The following TENM2 variants were observed in gnomAD, a reference collection of about 807,000 sequenced individuals.
TENM2 encodes teneurin transmembrane protein 2.
In TENM2, 52 loss-of-function variants were observed where a neutral mutation model predicts 245.2. That is an observed-to-expected ratio of 0.21 (90% CI 0.17 to 0.27). TENM2 has a LOEUF of 0.27. Ranked by LOEUF, TENM2 falls within the 10% of genes least tolerant of loss-of-function variation. The pLI is 1.00. For missense variants in TENM2, 3,046 were observed against 3,666.8 expected (o/e 0.83, Z 4.37); for synonymous variants, 1,363 against 1,438.9 (o/e 0.95, Z 1.19).
chr5:167,217,721 T>C, the TENM2 span, among the ~76,000 whole-genome samples: 6 of 147,856 alleles, frequency 4.1e-5, no homozygotes, highest in African/African-American at 1.5e-4. Context: ...GTGATATATA[T>C]ATATATATAT....
At chr5:167,536,552 T>G (rs997904816) in intron 2 of TENM2, among the ~76,000 whole-genome samples, 1 of 152,186 alleles carries the variant, frequency 6.6e-6, no homozygotes, top group Admixed American at 6.5e-5. Flanking sequence ...GATCATGTAC[T>G]ATAGTTTTCT....
chr5:167,390,818 T>A (rs1485465610), intron 2 of TENM2, among the ~76,000 whole-genome samples: 1 of 152,198 alleles, frequency 6.6e-6, no homozygotes, highest in Non-Finnish European at 1.5e-5. Context: ...CATTTATGGC[T>A]ATGAACAACA....
At chr5:167,265,748 A>G in the TENM2 span, among the ~76,000 whole-genome samples, 2 of 152,124 alleles carry the variant, frequency 1.3e-5, no homozygotes, top group African/African-American at 2.4e-5. Context: ...TTATGTCCAG[A>G]GTTTTCTGAC....
At chr5:168,038,992 C>G (rs965624180) in intron 5 of TENM2, among the ~76,000 whole-genome samples, 1 of 152,096 alleles carries the variant, frequency 6.6e-6, no homozygotes, top group Non-Finnish European at 1.5e-5. Flanking sequence ...AATCCCAACC[C>G]TCTCCTCCCT....
Position 167,842,708 on chromosome 5 carries a change from G to T in TENM2, c.503-33278G>T, listed in dbSNP as rs1279451393. Among the ~76,000 whole-genome samples, 4 of 151,848 alleles carry T rather than the reference G, an allele frequency of 2.6e-5. No homozygotes were observed. In the South Asian group the frequency reaches 8.4e-4, roughly 32 times the overall value. The stretch of plus-strand genomic sequence containing the variant: ...CACCCCATGTGACTCCCCATTCAAG[G>T]TTGCCATTATACCACTCAAGGAGCT... On this transcript the variant is annotated intron_variant, in intron 2 of 28. Transcript: ENST00000518659.
At chr5:167,395,820 T>C (rs1762017854) in intron 2 of TENM2, among the ~76,000 whole-genome samples, 1 of 152,116 alleles carries the variant, frequency 6.6e-6, no homozygotes, top group African/African-American at 2.4e-5. Context: ...AACCTATAGA[T>C]AATTTTAAGT....
the TENM2 span, among the ~76,000 whole-genome samples, chr5:167,069,781 T>A: frequency 1.3e-5 from 2 of 152,174 alleles, no homozygotes; most frequent in Admixed American, 6.5e-5. Flanking sequence ...AGTTTTGTAA[T>A]GATGCTAAAA....
the TENM2 span, among the ~76,000 whole-genome samples, chr5:167,156,986 AT>A: frequency 6.6e-6 from 1 of 152,002 alleles, no homozygotes; most frequent in African/African-American, 2.4e-5. Context: ...GCAAACCCAC[AT>A]TTTTTTTAAT....
chr5:167,624,321 G>T (rs576144278), intron 2 of TENM2, among the ~76,000 whole-genome samples: 1 of 152,248 alleles, frequency 6.6e-6, no homozygotes, highest in South Asian at 2.1e-4. Context: ...TGCAGAAATA[G>T]AAAACCAAAT....
chr5:167,526,113 A>G (rs1478400232), intron 2 of TENM2, among the ~76,000 whole-genome samples: 1 of 151,978 alleles, frequency 6.6e-6, no homozygotes, highest in Non-Finnish European at 1.5e-5. Context: ...TCATTTATAT[A>G]TTCATAAAAA....
At chr5:168,171,877 C>G (rs538281423) in intron 13 of TENM2, among the ~76,000 whole-genome samples, 1 of 152,224 alleles carries the variant, frequency 6.6e-6, no homozygotes, top group African/African-American at 2.4e-5. Context: ...ATGTTGGCTT[C>G]CTGTATTTGT....
At chr5:167,746,282 A>G (rs1425003407) in intron 2 of TENM2, among the ~76,000 whole-genome samples, 1 of 152,146 alleles carries the variant, frequency 6.6e-6, no homozygotes, top group African/African-American at 2.4e-5. Flanking sequence ...GCCACCTTAA[A>G]TGGATTGGAG....
the TENM2 span, among the ~76,000 whole-genome samples, chr5:167,085,953 G>C: frequency 6.6e-6 from 1 of 152,168 alleles, no homozygotes. Context: ...TCAGGAATAT[G>C]CTACCAAGGA....
chr5:167,382,459 C>T (rs1346643944), intron 2 of TENM2, among the ~76,000 whole-genome samples: 1 of 152,158 alleles, frequency 6.6e-6, no homozygotes, highest in African/African-American at 2.4e-5. Context: ...GTTCCACAAA[C>T]CAGGAATGTT....
the TENM2 span, among the ~76,000 whole-genome samples, chr5:167,243,666 C>G: frequency 6.6e-6 from 1 of 152,094 alleles, no homozygotes; most frequent in East Asian, 1.9e-4. Context: ...AGATTTGTCT[C>G]CATTTCCTCT....
chr5:167,695,331 G>C (rs1207095340), intron 2 of TENM2, among the ~76,000 whole-genome samples: 1 of 152,140 alleles, frequency 6.6e-6, no homozygotes, highest in Admixed American at 6.5e-5. Context: ...CGTAAGGAAT[G>C]GGTGTGGCAC....
chr5:167,741,776 C>T (rs1188408880), intron 2 of TENM2, among the ~76,000 whole-genome samples: 1 of 152,184 alleles, frequency 6.6e-6, no homozygotes, highest in African/African-American at 2.4e-5. Context: ...GACGCTTCAC[C>T]ATCTTCAGCC....
intron 3 of TENM2, among the ~76,000 whole-genome samples, chr5:167,907,738 A>G (rs1487879948): frequency 1.3e-5 from 2 of 150,698 alleles, no homozygotes; most frequent in East Asian, 3.9e-4. Context: ...CTCCATTTCT[A>G]CAATAAATAA....
At chr5:167,797,068 G>T (rs1765377202) in intron 2 of TENM2, among the ~76,000 whole-genome samples, 1 of 152,118 alleles carries the variant, frequency 6.6e-6, no homozygotes, top group South Asian at 2.1e-4. Context: ...GTTATTAATG[G>T]TAATACGGAA....
Sources: allele counts gnomAD v4.1 joint callset (sites outside exome capture counted in the v4.1 genomes callset), GRCh38; gene constraint gnomAD v4.1.1; transcripts MANE v1.5; gene names NCBI Gene and HGNC (gene_info 2026-07-23, HGNC 2026-07-21).